FAM168B: variants seen among roughly 807,000 people sequenced by gnomAD.
The protein encoded by FAM168B is myelin-associated neurite-outgrowth inhibitor.
Under a neutral mutation model 21.8 loss-of-function variants are expected in FAM168B, and 19 were observed. The ratio of observed to expected loss-of-function variants is 0.87; its 90% CI spans 0.61 to 1.28. FAM168B has a LOEUF of 1.28. Among genes scored for constraint, FAM168B ranks in the 50% most tolerant of loss-of-function variants. FAM168B has a pLI of 0.00. For missense variants in FAM168B, 233 were observed against 263.1 expected (o/e 0.89, Z 0.79); for synonymous variants, 126 against 104.8 (o/e 1.20, Z -1.24).
In FAM168B at chr2:131,049,402, A is replaced by G; in HGVS notation, c.*3063T>C. 2 of 985,476 alleles carry G rather than the reference A, an allele frequency of 2.0e-6. No individual in the cohort carries two copies. Among genetic ancestry groups the G allele is most frequent in the Non-Finnish European group, 2.4e-6 (2 of 829,968 alleles). The allele number at this position is 985,476 out of a possible 1,614,324, so 61.0% of individuals were successfully genotyped here. On this transcript the variant is annotated 3_prime_UTR_variant, in exon 7 of 7. Transcript: ENST00000389915. ...ATAGCGACAGGTAGGCCTACAAACC[A>G]CACCAAGAAGAACGTTCTTAACAGA...
intron 1 of FAM168B, among the ~76,000 whole-genome samples, chr2:131,087,366 G>A (rs1170525353): frequency 6.6e-6 from 1 of 152,126 alleles, no homozygotes; most frequent in African/African-American, 2.4e-5. Context: ...CAGCTACACA[G>A]GAGGCTGACG....
chr2:131,052,927 G>GT lies in FAM168B; in HGVS notation c.563dup (p.Tyr188Ter), dbSNP rs1691772486. ...ATCACCACTGAGGGGGCACATAGCT[G>GT]TAAGTGGGCGTTCCTGGGGCCCGGT... ...PTYRAPGTPT[Y>*]SYVPPQW The change falls in exon 6 of 7, where the codon TAC becomes TAAC. Residue 188 changes from tyrosine (Y) to a stop codon, truncating the protein, a stop_gained and frameshift_variant. Coordinates refer to ENST00000389915, the MANE Select transcript of FAM168B (RefSeq NM_001009993.4). LOFTEE classifies it high-confidence loss of function. The GT allele has an allele frequency of 6.4e-7, 1 of 1,562,070 alleles. No homozygotes were observed. Among genetic ancestry groups the GT allele is most frequent in the Non-Finnish European group, 8.7e-7 (1 of 1,152,348 alleles).
intron 3 of FAM168B, among the ~76,000 whole-genome samples, chr2:131,057,646 A>G (rs1050644950): frequency 4.6e-5 from 7 of 152,200 alleles, no homozygotes; most frequent in Non-Finnish European, 8.8e-5. Flanking sequence ...TGAGCTGAGT[A>G]TAAAGAATTT....
At chr2:131,090,151 C>CAA (rs59428455) in intron 1 of FAM168B, among the ~76,000 whole-genome samples, 3,262 of 119,078 alleles carry the variant, frequency 0.027, 133 homozygotes, top group African/African-American at 0.069. Flanking sequence ...ACCAAAAATA[C>CAA]AAAAAAAAAA....
Position 131,051,028 on chromosome 2 carries a change from A to G in FAM168B, c.*1437T>C. 1 of 985,434 alleles carries G rather than the reference A, an allele frequency of 1.0e-6. No homozygotes were observed. The allele number at this position is 985,434 out of a possible 1,614,324, so 61.0% of individuals were successfully genotyped here. On this transcript the variant is annotated 3_prime_UTR_variant, in exon 7 of 7. Transcript: ENST00000389915. ...GGAAGCCTTTTCATTTCTTATGTACAAGATTCAGATCCTAAACTCAAATTC... is the reference window on the plus strand; with the variant it reads ...GGAAGCCTTTTCATTTCTTATGTACGAGATTCAGATCCTAAACTCAAATTC...
rs1691735830 is a variant in FAM168B, at chr2:131,052,466, G to A, written c.*13-14C>T. 1.0e-6 allele frequency: 1 copy of A among 999,016 alleles called. No individual in the cohort carries two copies. The highest frequency in any genetic ancestry group is 1.2e-6 in the Non-Finnish European group (1 of 837,548). The allele number at this position is 999,016 out of a possible 1,614,324, so 61.9% of individuals were successfully genotyped here. A position where few individuals can be genotyped will look rare whatever the true frequency, so the allele number is the denominator to read the frequency against. On this transcript the variant is annotated splice_polypyrimidine_tract_variant and intron_variant, in intron 6 of 6. Coordinates refer to ENST00000389915, the MANE Select transcript of FAM168B (RefSeq NM_001009993.4). The stretch of plus-strand genomic sequence containing the variant: ...CCGTCCTCAAACCTGCAGAAAGGAA[G>A]ACAGACACTCAGTCACACAGAGCTC...
intron 3 of FAM168B, among the ~76,000 whole-genome samples, chr2:131,069,479 C>T (rs1298013962): frequency 6.6e-6 from 1 of 151,918 alleles, no homozygotes; most frequent in Non-Finnish European, 1.5e-5. Flanking sequence ...AGTTAGGTTA[C>T]ACAGGTTTCT....
At chr2:131,086,847 C>T (rs1465940242) in intron 1 of FAM168B, among the ~76,000 whole-genome samples, 6 of 129,522 alleles carry the variant, frequency 4.6e-5, no homozygotes, top group Non-Finnish European at 7.5e-5. Context: ...GGGCGGATCA[C>T]GAGGTCAGGA....
At chr2:131,089,970 T>G (rs532892148) in intron 1 of FAM168B, among the ~76,000 whole-genome samples, 3 of 151,034 alleles carry the variant, frequency 2.0e-5, no homozygotes, top group African/African-American at 7.3e-5. Flanking sequence ...AGGCAGAGGT[T>G]TCAGTGAGCC....
chr2:131,092,415 TTTTA>T (rs1694080377), intron 1 of FAM168B, among the ~76,000 whole-genome samples: 1 of 152,178 alleles, frequency 6.6e-6, no homozygotes. Context: ...AACCAAAAAG[TTTTA>T]TTTAATCTAG....
At chr2:131,082,551 A>G (rs761768118) in intron 2 of FAM168B, 26 bp downstream of exon 2, 2 of 1,540,212 alleles carry the variant, frequency 1.3e-6, no homozygotes, top group South Asian at 2.4e-5. Context: ...AAGTTCAAAA[A>G]TGAAAACAAA....
chr2:131,068,366 C>T (rs1692683984), intron 3 of FAM168B, among the ~76,000 whole-genome samples: 1 of 152,114 alleles, frequency 6.6e-6, no homozygotes, highest in African/African-American at 2.4e-5. Flanking sequence ...ACTGTATTGG[C>T]CAGGCTGGTC....
Position 131,049,450 on chromosome 2 carries a change from G to A in FAM168B, c.*3015C>T. On this transcript the variant is annotated 3_prime_UTR_variant, in exon 7 of 7. Coordinates refer to ENST00000389915, the MANE Select transcript of FAM168B (RefSeq NM_001009993.4). ...AGATGGCTCACGAGAGACATAAAAG[G>A]TTCTGGAAGTGCCTTCAGGCCCATT... is the stretch of plus-strand genomic sequence containing the variant. The A allele has an allele frequency of 1.0e-6, 1 of 985,378 alleles. No individual in the cohort carries two copies. Among genetic ancestry groups the A allele is most frequent in the African/African-American group, 1.7e-5 (1 of 57,330 alleles). 61.0% of individuals were successfully genotyped at this position (985,378 alleles called of 1,614,324 possible). A position where few individuals can be genotyped will look rare whatever the true frequency, so the allele number is the denominator to read the frequency against.
chr2:131,087,063 C>CAAAAAAAAAAAAAAAAAAAA (rs70994735), intron 1 of FAM168B, among the ~76,000 whole-genome samples: 1 of 40,672 alleles, frequency 2.5e-5, no homozygotes, highest in African/African-American at 2.7e-4. Context: ...GACTCCGTCT[C>CAAAAAAAAAAAAAAAAAAAA]AAAAAAAAAA....
chr2:131,060,018 T>C (rs1439985853), intron 3 of FAM168B, among the ~76,000 whole-genome samples: 1 of 151,966 alleles, frequency 6.6e-6, no homozygotes, highest in Non-Finnish European at 1.5e-5. Context: ...AGGTGATGTG[T>C]GAGCAGGAAT....
intron 3 of FAM168B, among the ~76,000 whole-genome samples, chr2:131,066,050 T>C (rs11893353): frequency 0.17 from 25,361 of 151,924 alleles, 2,478 homozygotes; most frequent in African/African-American, 0.27. Context: ...TAACATACAC[T>C]ACCAAACTGC....
intron 1 of FAM168B, among the ~76,000 whole-genome samples, chr2:131,090,602 G>A (rs918169360): frequency 1.3e-5 from 2 of 152,068 alleles, no homozygotes; most frequent in Non-Finnish European, 2.9e-5. Flanking sequence ...TTGGTGGCAA[G>A]TGCCTGTAAC....
chr2:131,089,470 C>G (rs1353078315), intron 1 of FAM168B, among the ~76,000 whole-genome samples: 1 of 151,776 alleles, frequency 6.6e-6, no homozygotes, highest in Non-Finnish European at 1.5e-5. Context: ...CAGTGGCTCA[C>G]GCCTGTAATC....
intron 1 of FAM168B, among the ~76,000 whole-genome samples, chr2:131,085,675 A>G (rs1285814355): frequency 6.6e-6 from 1 of 152,224 alleles, no homozygotes; most frequent in African/African-American, 2.4e-5. Context: ...ATAAACTGGC[A>G]ACTTTAGTAA....
Sources: gnomAD v4.1 joint callset for allele counts (sites outside exome capture counted in the v4.1 genomes callset) on GRCh38, gnomAD v4.1.1 for gene constraint, MANE v1.5 for transcripts, NCBI Gene and HGNC (gene_info 2026-07-23, HGNC 2026-07-21) for gene names.